The following FSD1 variants were observed in gnomAD, a reference collection of about 807,000 sequenced individuals.
FSD1 encodes the protein fibronectin type III and SPRY domain containing 1, also known as fibronectin type III and SPRY domain-containing protein 1.
A neutral mutation model predicts 58.2 loss-of-function variants in FSD1; 23 were observed. The ratio of observed to expected loss-of-function variants is 0.40; its 90% confidence interval spans 0.28 to 0.56. FSD1 has a LOEUF of 0.56. Ranked by LOEUF, FSD1 falls within the 20% of genes least tolerant of loss-of-function variation. The pLI is 0.54. For synonymous variants in FSD1, 265 were observed against 263.4 expected (o/e 1.01, Z -0.06); for missense variants, 563 against 670.8 (o/e 0.84, Z 1.78).
intron 9 of FSD1, 56 bp downstream of exon 9, chr19:4,318,561 G>A: frequency 6.9e-7 from 1 of 1,456,600 alleles, no homozygotes; most frequent in African/African-American, 1.4e-5. Context: ...GTCTGGACAT[G>A]GACACAGAGC....
intron 6 of FSD1, chr19:4,311,217 C>G (rs912873611): frequency 6.4e-6 from 1 of 155,652 alleles, no homozygotes; most frequent in African/African-American, 2.4e-5. Context: ...AGGGGTGGAG[C>G]CCTGAGAAGG....
intron 1 of FSD1, among the ~76,000 whole-genome samples, chr19:4,305,473 GGCTAGCCCCTCAC>G (rs1186424993): frequency 6.6e-6 from 1 of 151,828 alleles, no homozygotes; most frequent in Non-Finnish European, 1.5e-5. Context: ...TCTGTCCTCA[GGCTAGCCCCTCAC>G]GCCCCACCTT....
At chr19:4,316,150 T>C (rs1971753048) in intron 7 of FSD1, among the ~76,000 whole-genome samples, 2 of 151,986 alleles carry the variant, frequency 1.3e-5, no homozygotes, top group African/African-American at 4.8e-5. Flanking sequence ...AGCTTCAACC[T>C]CTTGGGCTCA....
In FSD1 at chr19:4,323,671, G is replaced by A. The variant is rs374003633; in HGVS notation, c.*28G>A. On this transcript the variant is annotated 3_prime_UTR_variant, in exon 13 of 13. Coordinates refer to ENST00000221856, the MANE Select transcript of FSD1 (RefSeq NM_024333.3). This position sits in a 1 kb window ranked among gnomAD's most constrained non-coding sequence, Gnocchi z 7.7. ...CCCCAGGCACCCACCCAGCTGGGGT[G>A]TTTTTGGGGGAGTCGCCGCCAAGCC... The A allele has an allele frequency of 5.9e-5, 90 of 1,523,396 alleles. No individual in the cohort carries two copies. Among genetic ancestry groups the A allele is most frequent in the African/African-American group, 4.0e-4 (29 of 73,018 alleles). 94.4% of individuals were successfully genotyped at this position (1,523,396 alleles called of 1,614,324 possible). A position where few individuals can be genotyped will look rare whatever the true frequency, so the allele number is the denominator to read the frequency against.
Position 4,323,486 on chromosome 19 carries a change from TG to T in FSD1, c.1381-43del, listed in dbSNP as rs1568383318. On this transcript the variant is annotated intron_variant, in intron 12 of 12. Transcript: ENST00000221856. This position sits in a 1 kb window ranked among gnomAD's most constrained non-coding sequence, Gnocchi z 7.7. ...GGGAGGAGAGGGTGGTGCTGGGCGC[TG>T]GGGTTTGAAGCTGAGCCCCTCCCCC... 1 of 1,596,668 alleles carries T rather than the reference TG, an allele frequency of 6.3e-7. No individual in the cohort carries two copies. Among genetic ancestry groups the T allele is most frequent in the Non-Finnish European group, 8.6e-7 (1 of 1,165,724 alleles).
Position 4,323,717 on chromosome 19 carries a change from CCCT to C in FSD1, c.*79_*81del, listed in dbSNP as rs1458540077. On this transcript the variant is annotated 3_prime_UTR_variant, in exon 13 of 13. Coordinates refer to ENST00000221856, the MANE Select transcript of FSD1 (RefSeq NM_024333.3). The surrounding 1 kb of genome is among the most constrained non-coding windows in gnomAD (Gnocchi z 7.7). ...AAGCCCAGGCTGCTGGAGCCAGGCA[CCCT>C]CCTCTGTCACTTGCTGCTTGGAGCC... 2.0e-6 allele frequency: 2 copies of C among 1,021,720 alleles called. No homozygotes were observed. The highest frequency in any genetic ancestry group is 2.2e-5 in the Admixed American group (1 of 45,304). The allele number at this position is 1,021,720 out of a possible 1,614,324, so 63.3% of individuals were successfully genotyped here. A position where few individuals can be genotyped will look rare whatever the true frequency, so the allele number is the denominator to read the frequency against.
chr19:4,312,128 T>C, intron 7 of FSD1, 77 bp downstream of exon 7: 1 of 1,255,050 alleles, frequency 8.0e-7, no homozygotes, highest in Non-Finnish European at 1.1e-6. Context: ...CATCAGTCAC[T>C]GGGGGCCTTG....
chr19:4,310,639 G>T, intron 6 of FSD1, 43 bp downstream of exon 6: 2 of 1,588,610 alleles, frequency 1.3e-6, no homozygotes, highest in South Asian at 2.2e-5. Context: ...TCCGGGGAAT[G>T]ACCTGGGAGG....
Position 4,318,480 on chromosome 19 carries a change from G to C in FSD1, c.934G>C (p.Ala312Pro), listed in dbSNP as rs888718985. 3.1e-6 allele frequency: 5 copies of C among 1,612,052 alleles called. No homozygotes were observed. The highest frequency in any genetic ancestry group is 4.2e-6 in the Non-Finnish European group (5 of 1,179,096). ...AREKDGKGRTASPINSPARGT... is the reference protein window; with the variant it reads ...AREKDGKGRTPSPINSPARGT... ...CGAGAAAGATGGCAAGGGGCGGACG[G>C]CGTCTCCCATCAACTCCCCAGCCAG... Residue 312 changes from alanine (A) to proline (P), a missense_variant, in exon 9 of 13, where the codon GCG becomes CCG. By Grantham distance (27) the Ala-to-Pro change is conservative. Transcript: ENST00000221856.
intron 7 of FSD1, among the ~76,000 whole-genome samples, chr19:4,315,550 C>T (rs1325468261): frequency 2.7e-5 from 4 of 150,342 alleles, no homozygotes; most frequent in East Asian, 3.9e-4. Context: ...CCTTGTGATC[C>T]GCCTCCGTCG....
At chr19:4,307,424 G>T (rs1320763258) in intron 3 of FSD1, among the ~76,000 whole-genome samples, 1 of 151,946 alleles carries the variant, frequency 6.6e-6, no homozygotes, top group African/African-American at 2.4e-5. Flanking sequence ...GGCTGGATCA[G>T]TTGCACAACC....
chr19:4,319,074 A>C (rs868560972), intron 10 of FSD1, 123 bp downstream of exon 10: 3 of 738,970 alleles, frequency 4.1e-6, no homozygotes, highest in Middle Eastern at 5.1e-4. Context: ...CTGCTCCCGG[A>C]ATAACAGGTT....
chr19:4,323,233 C>G lies in FSD1; in HGVS notation c.1287C>G (p.His429Gln), dbSNP rs754497632. The change falls in exon 11 of 13, where the codon CAC (histidine) becomes CAG (glutamine). Residue 429 changes from histidine (H) to glutamine (Q), a missense_variant. By Grantham distance (24) the His-to-Gln change is conservative. Transcript: ENST00000221856. The surrounding 1 kb of genome is among the most constrained non-coding windows in gnomAD (Gnocchi z 7.7). ...PDCLGVHCDFHQGLLSFYNAR... is the reference protein window; with the variant it reads ...PDCLGVHCDFQQGLLSFYNAR... ...GCCTGGGTGTGCACTGTGACTTCCA[C>G]CAAGGTGACCCCAAGCCCCAGCTGC... The G allele has an allele frequency of 6.2e-7, 1 of 1,604,918 alleles. No homozygotes were observed. The highest frequency in any genetic ancestry group is 1.1e-5 in the South Asian group (1 of 91,064).
intron 4 of FSD1, 54 bp downstream of exon 4, chr19:4,308,037 A>G: frequency 7.2e-7 from 1 of 1,389,178 alleles, no homozygotes; most frequent in South Asian, 1.2e-5. Context: ...TCACGTTTGC[A>G]TTTCAGGTGA....
intron 2 of FSD1, 65 bp downstream of exon 2, chr19:4,306,106 A>G (rs1429266564): frequency 6.2e-7 from 1 of 1,605,962 alleles, no homozygotes; most frequent in Non-Finnish European, 8.5e-7. Context: ...GTGCAGCCTT[A>G]GGAACTGGCC....
chr19:4,306,128 A>T, intron 2 of FSD1, 70 bp from the exon 3 acceptor site: 1 of 1,611,370 alleles, frequency 6.2e-7, no homozygotes, highest in African/African-American at 1.3e-5. Context: ...ATTGCTGTTG[A>T]TGCCTGTGGG....
At chr19:4,307,658 C>A (rs538516249) in intron 3 of FSD1, among the ~76,000 whole-genome samples, 20 of 152,260 alleles carry the variant, frequency 1.3e-4, no homozygotes, top group Non-Finnish European at 2.6e-4. Flanking sequence ...CCTGAGCCAC[C>A]ACACCCGGCC....
intron 10 of FSD1, among the ~76,000 whole-genome samples, chr19:4,320,493 G>A (rs182274892): frequency 4.2e-3 from 633 of 152,250 alleles, no homozygotes; most frequent in Non-Finnish European, 7.9e-3. Context: ...TGGACATGGG[G>A]AGGAACTGAA....
intron 4 of FSD1, among the ~76,000 whole-genome samples, chr19:4,308,403 A>G (rs761082860): frequency 2.0e-5 from 3 of 151,846 alleles, no homozygotes; most frequent in Non-Finnish European, 4.4e-5. Flanking sequence ...GGGAGACTTC[A>G]TCTCAAAAAC....
Sources: gnomAD v4.1 joint callset for allele counts (sites outside exome capture counted in the v4.1 genomes callset) on GRCh38, gnomAD v4.1.1 for gene constraint, Gnocchi (gnomAD v3.1) non-coding constraint, MANE v1.5 for transcripts, NCBI Gene and HGNC (gene_info 2026-07-23, HGNC 2026-07-21) for gene names.